PRRG1: variants seen among roughly 807,000 people sequenced by gnomAD.
PRRG1 encodes the protein proline rich and Gla domain 1.
Under a neutral mutation model 11.8 loss-of-function variants are expected in PRRG1, and 5 were observed. The observed-to-expected ratio is 0.42, with a 90% CI of 0.22 to 0.89. PRRG1 has a LOEUF of 0.89. Among genes scored for constraint, PRRG1 ranks in the 40% least tolerant of loss-of-function variants. The pLI, the probability that PRRG1 is intolerant of heterozygous loss-of-function variation, is 0.28. For missense variants in PRRG1, 155 were observed against 166.1 expected (o/e 0.93, Z 0.37); for synonymous variants, 66 against 60.4 (o/e 1.09, Z -0.43).
At chrX:37,449,312 A>T (rs1280666063) in intron 3 of PRRG1, among the ~76,000 whole-genome samples, 1 of 111,847 alleles carries the variant, frequency 8.9e-6, no homozygotes, top group African/African-American at 3.2e-5. Context: ...TGGGAAAATC[A>T]TCCACTTCCC....
intron 3 of PRRG1, among the ~76,000 whole-genome samples, chrX:37,448,565 TTTATG>T (rs1223387979): frequency 1.8e-5 from 2 of 112,009 alleles, no homozygotes; most frequent in Admixed American, 9.5e-5. Context: ...TAGAATTTCC[TTTATG>T]TAACCTGTGT....
At chrX:37,437,308 G>C (rs782255356) in intron 3 of PRRG1, among the ~76,000 whole-genome samples, 5 of 111,041 alleles carry the variant, frequency 4.5e-5, no homozygotes, top group Non-Finnish European at 7.5e-5. Flanking sequence ...GTCAGGGCGG[G>C]GGGGGAGGTG....
chrX:37,384,225 C>A (rs1405956343), intron 1 of PRRG1, among the ~76,000 whole-genome samples: 3 of 111,362 alleles, frequency 2.7e-5, no homozygotes, highest in Non-Finnish European at 5.7e-5. Context: ...CTGAACTGCC[C>A]TGAGTTATAT....
At chrX:37,397,997 CACACACACACACACACACAT>C (rs1931778566) in intron 1 of PRRG1, among the ~76,000 whole-genome samples, 1 of 98,693 alleles carries the variant, frequency 1.0e-5, no homozygotes, top group Non-Finnish European at 2.0e-5. Context: ...CACACACACA[CACACACACACACACACACAT>C]ACACGCTGAA....
chrX:37,356,798 C>T (rs782184690), intron 1 of PRRG1, among the ~76,000 whole-genome samples: 11 of 111,006 alleles, frequency 9.9e-5, no homozygotes, highest in Non-Finnish European at 1.5e-4. Flanking sequence ...AAGGAAAGTA[C>T]AGAGAGTTCT....
chrX:37,430,244 G>C (rs1932813167), intron 3 of PRRG1, among the ~76,000 whole-genome samples: 1 of 96,168 alleles, frequency 1.0e-5, no homozygotes, highest in African/African-American at 5.3e-5. Flanking sequence ...GGATCTTTCA[G>C]CAATAGAGCT....
chrX:37,372,151 G>A (rs1930781927), intron 1 of PRRG1, among the ~76,000 whole-genome samples: 1 of 112,393 alleles, frequency 8.9e-6, no homozygotes, highest in African/African-American at 3.2e-5. Flanking sequence ...GTCTTTTACT[G>A]TTTTGATAAG....
chrX:37,445,242 C>G (rs1292682452), intron 3 of PRRG1, among the ~76,000 whole-genome samples: 1 of 112,251 alleles, frequency 8.9e-6, no homozygotes, highest in Non-Finnish European at 1.9e-5. Context: ...AGATCAAATA[C>G]ATAAGCTTCT....
At chrX:37,424,757 T>A (rs1932754485) in intron 2 of PRRG1, among the ~76,000 whole-genome samples, 1 of 111,025 alleles carries the variant, frequency 9.0e-6, no homozygotes, top group South Asian at 3.9e-4. Flanking sequence ...TCCTAAATAA[T>A]GAGTCCATAT....
chrX:37,428,796 C>T (rs868969621), intron 3 of PRRG1, among the ~76,000 whole-genome samples: 26 of 112,758 alleles, frequency 2.3e-4, no homozygotes, highest in Admixed American at 2.2e-3. Context: ...TTCTGCACTG[C>T]GATAGCAGAG....
intron 1 of PRRG1, among the ~76,000 whole-genome samples, chrX:37,397,609 G>GA (rs1311036617): frequency 8.9e-6 from 1 of 112,339 alleles, no homozygotes; most frequent in African/African-American, 3.2e-5. Flanking sequence ...GGTAATGAGG[G>GA]AAAATATCAC....
chrX:37,373,518 C>T (rs1556371360), intron 1 of PRRG1, among the ~76,000 whole-genome samples: 2 of 111,466 alleles, frequency 1.8e-5, no homozygotes, highest in East Asian at 2.8e-4. Context: ...TCCTTGGTTA[C>T]GTTTATTCCT....
chrX:37,379,018 C>T (rs6651826), intron 1 of PRRG1, among the ~76,000 whole-genome samples: 27 of 90,894 alleles, frequency 3.0e-4, no homozygotes, highest in East Asian at 2.1e-3. Flanking sequence ...TATTGAATTG[C>T]GACATCTTTT....
intron 1 of PRRG1, among the ~76,000 whole-genome samples, chrX:37,357,039 C>T (rs868929054): frequency 2.0e-4 from 22 of 111,713 alleles, no homozygotes; most frequent in Middle Eastern, 4.6e-3. Flanking sequence ...TTTCACTACC[C>T]CAAAAATTCT....
At chrX:37,401,985 A>G (rs186878469) in intron 1 of PRRG1, among the ~76,000 whole-genome samples, 1,954 of 111,373 alleles carry the variant, frequency 0.018, 41 homozygotes, top group African/African-American at 0.054. Context: ...GAAATTAAAG[A>G]GGATACAAAC....
intron 1 of PRRG1, among the ~76,000 whole-genome samples, chrX:37,386,383 A>AT (rs782193070): frequency 9.9e-5 from 11 of 111,175 alleles, no homozygotes; most frequent in African/African-American, 3.3e-4. Flanking sequence ...ACAACTGGAG[A>AT]TTTTTTTTAT....
At chrX:37,442,336 C>T in intron 3 of PRRG1, 1 of 504,903 alleles carries the variant, frequency 2.0e-6, no homozygotes, top group Non-Finnish European at 2.4e-6. Context: ...CCAGTCCTGT[C>T]CCATCTGCAT....
chrX:37,428,231 G>A (rs1218706605), intron 3 of PRRG1, among the ~76,000 whole-genome samples: 1 of 111,081 alleles, frequency 9.0e-6, no homozygotes, highest in African/African-American at 3.3e-5. Flanking sequence ...AATGAATCAT[G>A]CCTTCCCAAC....
chrX:37,421,560 G>A (rs1932660923), intron 2 of PRRG1, among the ~76,000 whole-genome samples: 3 of 111,797 alleles, frequency 2.7e-5, no homozygotes, highest in African/African-American at 3.3e-5. Context: ...ACATCCTAAC[G>A]CAAGCCCTTG....
Sources: gnomAD v4.1 joint callset for allele counts (sites outside exome capture counted in the v4.1 genomes callset) on GRCh38, gnomAD v4.1.1 for gene constraint, MANE v1.5 for transcripts, NCBI Gene and HGNC (gene_info 2026-07-23, HGNC 2026-07-21) for gene names.